The following CHST9 variants were observed in gnomAD, a reference collection of about 807,000 sequenced individuals.
The protein encoded by CHST9 is carbohydrate sulfotransferase 9.
In CHST9, 41 loss-of-function variants were observed where a neutral mutation model predicts 44.4. The ratio of observed to expected loss-of-function variants is 0.92; its 90% CI spans 0.72 to 1.20. The LOEUF is 1.20. Among genes scored for constraint, CHST9 ranks in the 50% most tolerant of loss-of-function variants. The probability of loss-of-function intolerance (pLI) is 0.00; values close to 1 mark genes in which losing one functional copy is unlikely to be tolerated. For synonymous variants in CHST9, 171 were observed against 178.4 expected (o/e 0.96, Z 0.33); for missense variants, 504 against 516.5 (o/e 0.98, Z 0.23).
chr18:27,008,167 A>G (rs1255552792), intron 4 of CHST9, among the ~76,000 whole-genome samples: 1 of 152,156 alleles, frequency 6.6e-6, no homozygotes, highest in Non-Finnish European at 1.5e-5. Flanking sequence ...AGAGCAAAGC[A>G]TATTGGTGTA....
At chr18:27,007,052 A>C (rs900971061) in intron 4 of CHST9, among the ~76,000 whole-genome samples, 2 of 152,186 alleles carry the variant, frequency 1.3e-5, no homozygotes, top group Non-Finnish European at 2.9e-5. Flanking sequence ...AAAATTCCAC[A>C]TTCAACAGGC....
At chr18:27,163,468 C>G (rs943031965) in intron 1 of CHST9, among the ~76,000 whole-genome samples, 1 of 152,202 alleles carries the variant, frequency 6.6e-6, no homozygotes. Context: ...CCACCCAGTT[C>G]AAGCTTCCTG....
intron 5 of CHST9, among the ~76,000 whole-genome samples, chr18:26,939,550 GA>G (rs1444873767): frequency 1.3e-5 from 2 of 152,226 alleles, no homozygotes. Context: ...CCTAGAGCAA[GA>G]GCATGAATGG....
At chr18:27,142,353 G>C (rs1009528775) in intron 2 of CHST9, among the ~76,000 whole-genome samples, 8 of 152,108 alleles carry the variant, frequency 5.3e-5, no homozygotes, top group Non-Finnish European at 1.0e-4. Flanking sequence ...GGGCCTTTTA[G>C]GCTTATGCCT....
At chr18:27,168,801 G>T (rs1271118553) in intron 1 of CHST9, among the ~76,000 whole-genome samples, 2 of 152,110 alleles carry the variant, frequency 1.3e-5, no homozygotes, top group Non-Finnish European at 2.9e-5. Flanking sequence ...AAAAGGTAAA[G>T]AAATTTTACA....
intron 1 of CHST9, among the ~76,000 whole-genome samples, chr18:27,155,404 A>G (rs1298208649): frequency 6.6e-6 from 1 of 152,200 alleles, no homozygotes; most frequent in Non-Finnish European, 1.5e-5. Context: ...GCCAATTCAA[A>G]TCAATCAATA....
chr18:26,933,348 G>A (rs2055915698), intron 5 of CHST9, among the ~76,000 whole-genome samples: 1 of 152,222 alleles, frequency 6.6e-6, no homozygotes. Flanking sequence ...ATCTGTAAGA[G>A]ATAATGATGC....
chr18:27,000,989 C>T (rs375679950), intron 4 of CHST9, among the ~76,000 whole-genome samples: 94 of 152,220 alleles, frequency 6.2e-4, no homozygotes, highest in African/African-American at 2.1e-3. Flanking sequence ...CTTGCATACC[C>T]CTTGGGATAT....
At position 26,916,583 on chromosome 18, in the gene CHST9, G is replaced by A. The variant is rs2055528352; in HGVS notation, c.1008C>T (p.Tyr336=). ...SGVKFKEFIH[Y]LLDSHRPVGM... is the part of the protein sequence containing the mutation. ...CTACTGGACGGTGGGAATCCAGCAA[G>A]TAGTGGATAAACTCTTTGAACTTGA... Residue 336 remains tyrosine, a synonymous_variant, in exon 6 of 6, where the codon TAC becomes TAT. Transcript: ENST00000618847. 6.2e-7 allele frequency: 1 copy of A among 1,613,838 alleles called. No homozygotes were observed. Among genetic ancestry groups the A allele is most frequent in the Non-Finnish European group, 8.5e-7 (1 of 1,179,746 alleles).
At chr18:27,057,015 A>T (rs1237665414) in intron 2 of CHST9, among the ~76,000 whole-genome samples, 6 of 152,204 alleles carry the variant, frequency 3.9e-5, no homozygotes. Context: ...TATGGCTTAA[A>T]TTCCTATTCA....
chr18:27,045,673 G>A (rs547364881), intron 3 of CHST9, among the ~76,000 whole-genome samples: 1 of 152,022 alleles, frequency 6.6e-6, no homozygotes, highest in Admixed American at 6.6e-5. Flanking sequence ...CTATGACATA[G>A]ACTTTCAAGC....
At chr18:27,155,611 C>T (rs994466542) in intron 1 of CHST9, among the ~76,000 whole-genome samples, 4 of 152,126 alleles carry the variant, frequency 2.6e-5, no homozygotes, top group Non-Finnish European at 4.4e-5. Context: ...GAAACACTTT[C>T]GAATTATTGA....
intron 5 of CHST9, among the ~76,000 whole-genome samples, chr18:26,927,436 T>G (rs1480405045): frequency 1.3e-5 from 2 of 152,020 alleles, no homozygotes; most frequent in Non-Finnish European, 2.9e-5. Flanking sequence ...GTTCCCTCAG[T>G]ATTTATTGAT....
intron 5 of CHST9, among the ~76,000 whole-genome samples, chr18:26,939,524 C>T (rs987302834): frequency 6.6e-6 from 1 of 152,186 alleles, no homozygotes. Context: ...CAGGATCATT[C>T]CCAACATTTG....
chr18:27,120,861 A>G (rs947349907), intron 2 of CHST9, among the ~76,000 whole-genome samples: 1 of 152,182 alleles, frequency 6.6e-6, no homozygotes, highest in African/African-American at 2.4e-5. Context: ...TTTTCCCAAA[A>G]ACAGGAAGGT....
chr18:26,973,246 A>T (rs146937273), intron 4 of CHST9, among the ~76,000 whole-genome samples: 2 of 152,284 alleles, frequency 1.3e-5, no homozygotes, highest in African/African-American at 4.8e-5. Context: ...CTAGAACGTA[A>T]GCTCCATAAT....
chr18:27,101,504 G>A (rs1241869086), intron 2 of CHST9, among the ~76,000 whole-genome samples: 6 of 151,728 alleles, frequency 4.0e-5, no homozygotes, highest in Middle Eastern at 6.8e-3. Context: ...GAGGGTGGGC[G>A]GGGGCTGAGG....
At chr18:26,958,315 C>T (rs1050995897) in intron 4 of CHST9, among the ~76,000 whole-genome samples, 6 of 152,094 alleles carry the variant, frequency 3.9e-5, no homozygotes, top group African/African-American at 9.6e-5. Context: ...TAGTTGTTTA[C>T]GTTCTTTGAC....
intron 1 of CHST9, among the ~76,000 whole-genome samples, chr18:27,162,642 C>T (rs1157273342): frequency 6.6e-6 from 1 of 152,162 alleles, no homozygotes; most frequent in East Asian, 1.9e-4. Context: ...TTTCCTGAAA[C>T]TGAAAGTTGG....
Sources: allele counts gnomAD v4.1 joint callset (sites outside exome capture counted in the v4.1 genomes callset), GRCh38; gene constraint gnomAD v4.1.1; transcripts MANE v1.5; gene names NCBI Gene and HGNC (gene_info 2026-07-23, HGNC 2026-07-21).